The following FLACC1 variants were observed in gnomAD, a reference collection of about 807,000 sequenced individuals.
FLACC1 encodes flagellum-associated coiled-coil domain-containing protein 1.
In FLACC1, 66 loss-of-function variants were observed where a neutral mutation model predicts 62.8. That is an observed-to-expected ratio of 1.05 (90% CI 0.86 to 1.29). The LOEUF is 1.29. Among genes scored for constraint, FLACC1 ranks in the 50% most tolerant of loss-of-function variants. The pLI, the probability that FLACC1 is intolerant of heterozygous loss-of-function variation, is 0.00. For missense variants in FLACC1, 452 were observed against 489.1 expected, an observed-to-expected ratio of 0.92 and a Z score of 0.71; for synonymous variants, 156 against 161.0, an observed-to-expected ratio of 0.97 and a Z score of 0.24.
chr2:201,340,127 C>T (rs898181304), intron 7 of FLACC1, among the ~76,000 whole-genome samples: 1 of 152,152 alleles, frequency 6.6e-6, no homozygotes, highest in East Asian at 1.9e-4. Context: ...ATGTGCCTTA[C>T]AGGTGACATG....
intron 9 of FLACC1, among the ~76,000 whole-genome samples, chr2:201,327,247 G>A (rs1187863366): frequency 2.6e-5 from 4 of 152,064 alleles, no homozygotes; most frequent in Admixed American, 6.6e-5. Flanking sequence ...AACTCTTCCA[G>A]TCATTGGCTT....
intron 2 of FLACC1, 74 bp from the exon 3 acceptor site, chr2:201,350,856 A>G: frequency 7.5e-7 from 1 of 1,337,332 alleles, no homozygotes; most frequent in Non-Finnish European, 1.1e-6. Context: ...TCCCAGATTA[A>G]GTACATCCCT....
intron 7 of FLACC1, among the ~76,000 whole-genome samples, chr2:201,338,886 T>C (rs1576464564): frequency 6.6e-6 from 1 of 152,194 alleles, no homozygotes; most frequent in African/African-American, 2.4e-5. Flanking sequence ...CCTGTTGTTG[T>C]ATTGTCATCT....
At chr2:201,350,817 A>T (rs1479831518) in intron 2 of FLACC1, 35 bp from the exon 3 acceptor site, 1 of 1,579,210 alleles carries the variant, frequency 6.3e-7, no homozygotes, top group Non-Finnish European at 8.7e-7. Flanking sequence ...AAACAAGAAC[A>T]TTGGAAATTC....
intron 12 of FLACC1, among the ~76,000 whole-genome samples, chr2:201,293,499 A>T (rs1327807497): frequency 6.6e-6 from 1 of 152,240 alleles, no homozygotes; most frequent in Admixed American, 6.5e-5. Flanking sequence ...AACATACCAG[A>T]ATCTCTGGGA....
intron 9 of FLACC1, among the ~76,000 whole-genome samples, chr2:201,313,926 G>A (rs940073095): frequency 6.6e-6 from 1 of 152,186 alleles, no homozygotes; most frequent in Admixed American, 6.5e-5. Context: ...CTGGAACCTG[G>A]TAGGACTGCT....
intron 12 of FLACC1, 110 bp from the exon 13 acceptor site, chr2:201,289,895 A>C: frequency 6.3e-7 from 1 of 1,586,538 alleles, no homozygotes; most frequent in Non-Finnish European, 8.6e-7. Context: ...CTACTTTTGC[A>C]TCACTCATGG....
intron 10 of FLACC1, among the ~76,000 whole-genome samples, chr2:201,307,982 C>A (rs1950140596): frequency 6.6e-6 from 1 of 152,158 alleles, no homozygotes; most frequent in Non-Finnish European, 1.5e-5. Context: ...ATTACTTTGC[C>A]AGCAATAAAA....
Position 201,351,416 on chromosome 2 carries a change from A to AG in FLACC1, c.-13dup. 2 of 1,594,876 alleles carry AG rather than the reference A, an allele frequency of 1.3e-6. No individual in the cohort carries two copies. The highest frequency in any genetic ancestry group is 1.7e-6 in the Non-Finnish European group (2 of 1,163,174). On this transcript the variant is annotated 5_prime_UTR_variant, in exon 2 of 15. Coordinates refer to ENST00000392257, the MANE Select transcript of FLACC1 (RefSeq NM_001127391.3). ...GGGTTGGGGTACATGGCCAAAGGTCAGGGGGAGTCTTGGCTGCTAGATCAG... is the reference window on the plus strand; with the variant it reads ...GGGTTGGGGTACATGGCCAAAGGTCAGGGGGGAGTCTTGGCTGCTAGATCAG...
Position 201,346,667 on chromosome 2 carries a change from G to GGCT in FLACC1, c.242_243insAGC (p.Ile81_Asn82insAla). 6.2e-7 allele frequency: 1 copy of GGCT among 1,614,144 alleles called. No individual in the cohort carries two copies. The highest frequency in any genetic ancestry group is 1.1e-5 in the South Asian group (1 of 91,082). On this transcript the variant is annotated inframe_insertion, in exon 5 of 15. Transcript: ENST00000392257. The surrounding 1 kb of genome is among the most constrained non-coding windows in gnomAD (Gnocchi z 4.0). ...CAAGTTGATAGCCAGGTGACACGTT[G>GGCT]ATCACTTCCTAGGCATCAAGGGAAA...
chr2:201,303,228 T>A (rs1302247180), intron 11 of FLACC1, among the ~76,000 whole-genome samples: 4 of 151,456 alleles, frequency 2.6e-5, no homozygotes, highest in African/African-American at 4.9e-5. Context: ...ATAGACGCAA[T>A]AAAAAATGAT....
At chr2:201,342,270 A>T in intron 7 of FLACC1, 100 bp downstream of exon 7, 1 of 1,231,440 alleles carries the variant, frequency 8.1e-7, no homozygotes, top group Non-Finnish European at 1.2e-6. Flanking sequence ...CCCCAACTCC[A>T]TTTAGAACTA....
chr2:201,300,282 T>C (rs1949951019), intron 11 of FLACC1, among the ~76,000 whole-genome samples: 1 of 152,192 alleles, frequency 6.6e-6, no homozygotes, highest in Admixed American at 6.5e-5. Context: ...TTATATCCCA[T>C]GCATGGCTGG....
At chr2:201,293,690 A>G (rs1466585046) in intron 12 of FLACC1, among the ~76,000 whole-genome samples, 1 of 152,162 alleles carries the variant, frequency 6.6e-6, no homozygotes, top group Non-Finnish European at 1.5e-5. Context: ...ACTGAAGGAG[A>G]TAGAGACACA....
In FLACC1 at chr2:201,307,513, A is replaced by C; in HGVS notation, c.879+6T>G. 1 of 1,611,742 alleles carries C rather than the reference A, an allele frequency of 6.2e-7. No individual in the cohort carries two copies. The highest frequency in any genetic ancestry group is 8.5e-7 in the Non-Finnish European group (1 of 1,177,794). On this transcript the variant is annotated splice_donor_region_variant and intron_variant, in intron 11 of 14. Coordinates refer to ENST00000392257, the MANE Select transcript of FLACC1 (RefSeq NM_001127391.3). The stretch of plus-strand genomic sequence containing the variant: ...TCAATCACCAAGGTGCTTTGGGCTG[A>C]GTTACCTCCTTCTCTTGAATGAAGT...
intron 9 of FLACC1, among the ~76,000 whole-genome samples, chr2:201,317,579 G>C (rs1950329230): frequency 6.6e-6 from 1 of 152,138 alleles, no homozygotes; most frequent in Non-Finnish European, 1.5e-5. Flanking sequence ...CACATCCCAT[G>C]CTCACTGATG....
the FLACC1 span, among the ~76,000 whole-genome samples, chr2:201,364,168 T>A: frequency 6.6e-6 from 1 of 151,998 alleles, no homozygotes; most frequent in Non-Finnish European, 1.5e-5. Flanking sequence ...CAGCCCAGTA[T>A]AAAACCTGCT....
At chr2:201,340,651 C>T (rs1950790184) in intron 7 of FLACC1, among the ~76,000 whole-genome samples, 1 of 152,162 alleles carries the variant, frequency 6.6e-6, no homozygotes, top group South Asian at 2.1e-4. Flanking sequence ...AATTGTCTTA[C>T]ATCCCATCAT....
At chr2:201,333,809 G>C (rs1336194913) in intron 7 of FLACC1, among the ~76,000 whole-genome samples, 1 of 152,054 alleles carries the variant, frequency 6.6e-6, no homozygotes, top group African/African-American at 2.4e-5. Context: ...TATCATAGTT[G>C]GACATTTGGG....
Sources: gnomAD v4.1 joint callset for allele counts (sites outside exome capture counted in the v4.1 genomes callset) on GRCh38, gnomAD v4.1.1 for gene constraint, Gnocchi (gnomAD v3.1) non-coding constraint, MANE v1.5 for transcripts, NCBI Gene and HGNC (gene_info 2026-07-23, HGNC 2026-07-21) for gene names.